IGF2BP2: variants seen among roughly 807,000 people sequenced by gnomAD.
The protein encoded by IGF2BP2 is insulin like growth factor 2 mRNA binding protein 2.
In IGF2BP2, 17 loss-of-function variants were observed where a neutral mutation model predicts 75.8. The observed-to-expected ratio is 0.22, with a 90% CI of 0.15 to 0.34. The LOEUF is 0.34. Among genes scored for constraint, IGF2BP2 ranks in the 10% least tolerant of loss-of-function variants. The probability of loss-of-function intolerance (pLI) is 1.00; values close to 1 mark genes in which losing one functional copy is unlikely to be tolerated. For missense variants in IGF2BP2, 516 were observed against 772.4 expected, an observed-to-expected ratio of 0.67 and a Z score of 3.93; for synonymous variants, 288 against 295.6, an observed-to-expected ratio of 0.97 and a Z score of 0.26.
At chr3:185,756,699 C>T (rs888347748) in intron 2 of IGF2BP2, among the ~76,000 whole-genome samples, 4 of 152,128 alleles carry the variant, frequency 2.6e-5, no homozygotes, top group Non-Finnish European at 2.9e-5. Context: ...GGTGGCCGGG[C>T]GTGGTGGCTC....
intron 2 of IGF2BP2, chr3:185,729,816 A>G (rs984760884): frequency 3.3e-5 from 5 of 152,200 alleles, no homozygotes; most frequent in African/African-American, 9.6e-5. Flanking sequence ...GATTTCCTTC[A>G]TATTTTTCAA....
At chr3:185,776,196 G>A (rs891105567) in intron 2 of IGF2BP2, among the ~76,000 whole-genome samples, 1 of 152,140 alleles carries the variant, frequency 6.6e-6, no homozygotes, top group African/African-American at 2.4e-5. Context: ...AGTAAGCTAC[G>A]ATCATGCCAC....
intron 2 of IGF2BP2, among the ~76,000 whole-genome samples, chr3:185,709,123 A>G (rs1223398125): frequency 6.6e-6 from 1 of 152,206 alleles, no homozygotes; most frequent in Non-Finnish European, 1.5e-5. Flanking sequence ...ATGTACAAAC[A>G]TGATACAACA....
At chr3:185,738,319 C>T (rs1422254292) in intron 2 of IGF2BP2, among the ~76,000 whole-genome samples, 2 of 152,096 alleles carry the variant, frequency 1.3e-5, no homozygotes, top group Admixed American at 6.5e-5. Flanking sequence ...CTTTAAAGGG[C>T]TCATAATCTA....
At chr3:185,668,032 G>A (rs897299053) in intron 10 of IGF2BP2, among the ~76,000 whole-genome samples, 3 of 152,162 alleles carry the variant, frequency 2.0e-5, no homozygotes, top group Non-Finnish European at 4.4e-5. Context: ...CAGAAAAAAA[G>A]TGTAACTTGT....
intron 2 of IGF2BP2, among the ~76,000 whole-genome samples, chr3:185,810,706 G>A (rs754645635): frequency 1.3e-5 from 2 of 151,696 alleles, no homozygotes; most frequent in South Asian, 2.1e-4. Context: ...CCCAGGAGGC[G>A]GAGGTTGCAG....
intron 2 of IGF2BP2, among the ~76,000 whole-genome samples, chr3:185,821,637 AT>A (rs58917979): frequency 0.037 from 5,492 of 149,196 alleles, 143 homozygotes; most frequent in African/African-American, 0.062. Flanking sequence ...AATTCTAGTA[AT>A]TTTTTTTTTT....
intron 7 of IGF2BP2, among the ~76,000 whole-genome samples, chr3:185,683,319 G>C (rs1720657757): frequency 6.6e-6 from 1 of 152,192 alleles, no homozygotes; most frequent in African/African-American, 2.4e-5. Context: ...CAGAGTTCCA[G>C]ATTTACAAGA....
intron 12 of IGF2BP2, among the ~76,000 whole-genome samples, chr3:185,654,680 A>G (rs772342613): frequency 4.6e-5 from 7 of 152,220 alleles, no homozygotes; most frequent in African/African-American, 7.2e-5. Context: ...CTAAAGGGGC[A>G]GGAATGAGGA....
intron 2 of IGF2BP2, among the ~76,000 whole-genome samples, chr3:185,809,196 T>C (rs919045300): frequency 6.6e-6 from 1 of 151,992 alleles, no homozygotes; most frequent in Admixed American, 6.6e-5. Flanking sequence ...CAGGGAGAAA[T>C]ACCTATAAGG....
chr3:185,824,127 G>A (rs1017685468), intron 1 of IGF2BP2, among the ~76,000 whole-genome samples: 14 of 151,980 alleles, frequency 9.2e-5, no homozygotes, highest in Admixed American at 2.0e-4. Context: ...GGGGACTGAG[G>A]TTCGGGAAAG....
chr3:185,748,784 G>C (rs1371794606), intron 2 of IGF2BP2, among the ~76,000 whole-genome samples: 1 of 152,142 alleles, frequency 6.6e-6, no homozygotes, highest in Non-Finnish European at 1.5e-5. Flanking sequence ...CAATGCCATT[G>C]ATAACCTCAG....
intron 2 of IGF2BP2, among the ~76,000 whole-genome samples, chr3:185,817,232 T>C (rs2150045697): frequency 6.6e-6 from 1 of 152,256 alleles, no homozygotes; most frequent in East Asian, 1.9e-4. Context: ...AAAATGTATC[T>C]CAAAAATACA....
chr3:185,675,557 T>A (rs1013666048), intron 8 of IGF2BP2, 126 bp from the exon 9 acceptor site: 1 of 1,165,926 alleles, frequency 8.6e-7, no homozygotes, highest in East Asian at 2.5e-5. Context: ...CAACACACTG[T>A]GGTGGAGAAT....
At chr3:185,780,703 C>T (rs115854208) in intron 2 of IGF2BP2, among the ~76,000 whole-genome samples, 3,726 of 152,220 alleles carry the variant, frequency 0.024, 156 homozygotes, top group African/African-American at 0.085. Flanking sequence ...CACATTCCCA[C>T]GGATGATATG....
rs55753520 is a variant in IGF2BP2, at chr3:185,761,012, A to AGG, written c.239+62139_239+62140dup. Among the ~76,000 whole-genome samples, 18 of 151,414 alleles carry AGG rather than the reference A, an allele frequency of 1.2e-4. No individual in the cohort carries two copies. The South Asian group carries it at 2.3e-3, about 19-fold the overall frequency. On this transcript the variant is annotated intron_variant, in intron 2 of 15. Coordinates refer to ENST00000382199, the MANE Select transcript of IGF2BP2 (RefSeq NM_006548.6). ...TTTTGTACTTAAATACTTTTTTTTG[A>AGG]GGGGGGGAACCAGTAAAGAATGAAT...
chr3:185,694,739 T>A (rs2149343873), intron 4 of IGF2BP2, among the ~76,000 whole-genome samples: 1 of 152,284 alleles, frequency 6.6e-6, no homozygotes, highest in Non-Finnish European at 1.5e-5. Context: ...ACTAGTAACT[T>A]TTACAGGTTC....
At position 185,647,153 on chromosome 3, in the gene IGF2BP2, A is replaced by G. The variant is rs189504445; in HGVS notation, c.1594-15T>C. 262 of 1,596,160 alleles carry G rather than the reference A, an allele frequency of 1.6e-4. 1 individual carries two copies. In the East Asian group the frequency reaches 5.8e-3, roughly 35 times the overall value. On this transcript the variant is annotated splice_polypyrimidine_tract_variant and intron_variant, in intron 14 of 15. Transcript: ENST00000382199. This position sits in a 1 kb window ranked among gnomAD's most constrained non-coding sequence, Gnocchi z 4.9. ...AGTTCGTTCACCTGTGAAGGGAGAA[A>G]CGGCAACGGGTTGGATAGGTTCCCT...
intron 2 of IGF2BP2, among the ~76,000 whole-genome samples, chr3:185,749,126 T>C (rs977907228): frequency 2.0e-5 from 3 of 152,070 alleles, no homozygotes; most frequent in Non-Finnish European, 4.4e-5. Context: ...ATCACGCCAT[T>C]GCATTCCAGC....
Sources: allele counts gnomAD v4.1 joint callset (sites outside exome capture counted in the v4.1 genomes callset), GRCh38; gene constraint gnomAD v4.1.1; non-coding constraint Gnocchi (gnomAD v3.1); transcripts MANE v1.5; gene names NCBI Gene and HGNC (gene_info 2026-07-23, HGNC 2026-07-21).